Variants in ENPP5 observed in about 807,000 individuals in gnomAD.
The protein encoded by ENPP5 is ectonucleotide pyrophosphatase/phosphodiesterase family member 5, also known as E-NPP 5.
A neutral mutation model predicts 33.7 loss-of-function variants in ENPP5; 27 were observed. The ratio of observed to expected loss-of-function variants is 0.80; its 90% CI spans 0.59 to 1.11. The LOEUF (loss-of-function observed/expected upper bound fraction) is 1.11. Ranked by LOEUF, ENPP5 falls within the 50% of genes least tolerant of loss-of-function variation. ENPP5 has a pLI of 0.00. For missense variants in ENPP5, 552 were observed against 579.2 expected, an observed-to-expected ratio of 0.95 and a Z score of 0.48; for synonymous variants, 199 against 200.5, an observed-to-expected ratio of 0.99 and a Z score of 0.06.
chr6:46,161,147 G>A lies in ENPP5; in HGVS notation c.*179C>T, dbSNP rs554825669. 9 of 580,470 alleles carry A rather than the reference G, an allele frequency of 1.6e-5. No individual in the cohort carries two copies. The highest frequency in any genetic ancestry group is 1.1e-4 in the East Asian group (4 of 35,166). 36.0% of individuals were successfully genotyped at this position (580,470 alleles called of 1,614,324 possible). A position where few individuals can be genotyped will look rare whatever the true frequency, so the allele number is the denominator to read the frequency against. ...CTCACATCTTTATTCCTTTGCAGGT[G>A]TAAGTATTTTGGTCCGTGTGTGTGT... is the stretch of plus-strand genomic sequence containing the variant. On this transcript the variant is annotated 3_prime_UTR_variant, in exon 5 of 5. Coordinates refer to ENST00000371383, the MANE Select transcript of ENPP5 (RefSeq NM_001290072.2).
chr6:46,168,414 G>A, intron 2 of ENPP5, 117 bp from the exon 3 acceptor site: 3 of 496,078 alleles, frequency 6.0e-6, no homozygotes, highest in Non-Finnish European at 1.1e-5. Flanking sequence ...CAGCCTGGAA[G>A]AATTATGTCA....
chr6:46,164,428 A>C (rs1459279779), intron 4 of ENPP5, among the ~76,000 whole-genome samples: 1 of 152,208 alleles, frequency 6.6e-6, no homozygotes, highest in African/African-American at 2.4e-5. Context: ...GGGCTTAACT[A>C]TTCTGGCTTA....
At chr6:46,162,597 C>T (rs933494734) in intron 4 of ENPP5, among the ~76,000 whole-genome samples, 1 of 152,154 alleles carries the variant, frequency 6.6e-6, no homozygotes. Flanking sequence ...ATCTCTAATA[C>T]TTATACTTGC....
At chr6:46,162,087 T>C (rs562343547) in intron 4 of ENPP5, among the ~76,000 whole-genome samples, 128 of 152,216 alleles carry the variant, frequency 8.4e-4, no homozygotes, top group Non-Finnish European at 1.6e-3. Context: ...GGCAAAGTAA[T>C]ATTCAGCAAA....
chr6:46,169,147 A>G lies in ENPP5; in HGVS notation c.-35-850T>C, dbSNP rs112480882. 6.2e-3 allele frequency among the ~76,000 whole-genome samples: 940 copies of G among 152,302 alleles called. 3 individuals are homozygous for G. The highest frequency in any genetic ancestry group is 0.014 in the Middle Eastern group (4 of 294). On this transcript the variant is annotated intron_variant, in intron 2 of 4. Coordinates refer to ENST00000371383, the MANE Select transcript of ENPP5 (RefSeq NM_001290072.2). ...GCTGGTCTTTTCCCCTAATCTGTGT[A>G]TATTTCTAAAATACTTTCATTCTAT...
chr6:46,165,192 A>G, intron 4 of ENPP5, 195 bp downstream of exon 4: 1 of 477,804 alleles, frequency 2.1e-6, no homozygotes, highest in South Asian at 4.1e-5. Flanking sequence ...GACATTTTGT[A>G]TATATCTTTT....
intron 4 of ENPP5, among the ~76,000 whole-genome samples, chr6:46,164,788 G>T (rs1371798087): frequency 6.7e-6 from 1 of 150,324 alleles, no homozygotes; most frequent in African/African-American, 2.5e-5. Context: ...GCCCAGGCTG[G>T]AGTGCAGTGG....
rs375232379 is a variant in ENPP5, at chr6:46,165,589, C to T, written c.830-26G>A. ...CTAAAGAGAAGGGAGGAGAGGCACT[C>T]AGAACAAAATACTCATAGCTACCAT... On this transcript the variant is annotated intron_variant, in intron 3 of 4. Coordinates refer to ENST00000371383, the MANE Select transcript of ENPP5 (RefSeq NM_001290072.2). 3.2e-5 allele frequency: 48 copies of T among 1,502,502 alleles called. No homozygotes were observed. The African/African-American group carries it at 6.5e-4, about 20-fold the overall frequency. The allele number at this position is 1,502,502 out of a possible 1,614,324, so 93.1% of individuals were successfully genotyped here.
chr6:46,165,272 T>C lies in ENPP5; in HGVS notation c.1006+115A>G. 3 of 802,042 alleles carry C rather than the reference T, an allele frequency of 3.7e-6. No homozygotes were observed. The South Asian group carries it at 8.4e-5, about 22-fold the overall frequency. The allele number at this position is 802,042 out of a possible 1,614,324, so 49.7% of individuals were successfully genotyped here. A position where few individuals can be genotyped will look rare whatever the true frequency, so the allele number is the denominator to read the frequency against. On this transcript the variant is annotated intron_variant, in intron 4 of 4. Coordinates refer to ENST00000371383, the MANE Select transcript of ENPP5 (RefSeq NM_001290072.2). ...ACGAAAACATTGTAGTTCCTTAATATTCAAGTAACAGACAGTAAAAATATC... is the reference window on the plus strand; with the variant it reads ...ACGAAAACATTGTAGTTCCTTAATACTCAAGTAACAGACAGTAAAAATATC...
At position 46,167,428 on chromosome 6, in the gene ENPP5, C is replaced by T. The variant is rs756281878; in HGVS notation, c.829+6G>A. 3.8e-6 allele frequency: 6 copies of T among 1,584,752 alleles called. No individual in the cohort carries two copies. The highest frequency in any genetic ancestry group is 3.5e-6 in the Non-Finnish European group (4 of 1,155,226). ...CTCAGCTCACCATTCATTCAGTCAG[C>T]CTTACCTTCTTTTGGCAAGATGGCT... On this transcript the variant is annotated splice_donor_region_variant and intron_variant, in intron 3 of 4. Transcript: ENST00000371383.
At chr6:46,167,282 C>G (rs1764575235) in intron 3 of ENPP5, 152 bp downstream of exon 3, 1 of 588,700 alleles carries the variant, frequency 1.7e-6, no homozygotes, top group African/African-American at 1.8e-5. Context: ...GAGATTTTGT[C>G]TTTTCAGAGT....
At chr6:46,164,799 C>G (rs911844811) in intron 4 of ENPP5, among the ~76,000 whole-genome samples, 1 of 148,288 alleles carries the variant, frequency 6.7e-6, no homozygotes. Context: ...AGTGCAGTGG[C>G]ACGATCTCGG....
chr6:46,166,806 T>C (rs1026987847), intron 3 of ENPP5, among the ~76,000 whole-genome samples: 1 of 152,208 alleles, frequency 6.6e-6, no homozygotes. Context: ...GTCTGAGTCA[T>C]GTTGTCACTT....
chr6:46,169,842 TC>T (rs1403553015), intron 2 of ENPP5, among the ~76,000 whole-genome samples: 2 of 152,206 alleles, frequency 1.3e-5, no homozygotes, highest in African/African-American at 4.8e-5. Flanking sequence ...GGCAATAAAT[TC>T]TGTTTTGCTG....
At chr6:46,163,254 T>A (rs1764441086) in intron 4 of ENPP5, among the ~76,000 whole-genome samples, 1 of 151,900 alleles carries the variant, frequency 6.6e-6, no homozygotes, top group Non-Finnish European at 1.5e-5. Flanking sequence ...TTAGGGTACA[T>A]GTGCACATTA....
At chr6:46,164,755 T>C (rs1489139237) in intron 4 of ENPP5, among the ~76,000 whole-genome samples, 1 of 151,276 alleles carries the variant, frequency 6.6e-6, no homozygotes, top group African/African-American at 2.4e-5. Context: ...TTTTTTTTTT[T>C]TGAGACAGAG....
intron 4 of ENPP5, among the ~76,000 whole-genome samples, chr6:46,162,395 T>TG (rs966076034): frequency 2.0e-5 from 3 of 152,082 alleles, no homozygotes; most frequent in East Asian, 3.9e-4. Context: ...GGTAAAAACT[T>TG]GGGGGTCTTC....
At position 46,168,129 on chromosome 6, in the gene ENPP5, TTATA is replaced by T. The variant is rs754899541; in HGVS notation, c.130_133del (p.Tyr44LysfsTer11). The T allele has an allele frequency of 1.9e-6, 3 of 1,613,706 alleles. No homozygotes were observed. Among genetic ancestry groups the T allele is most frequent in the South Asian group, 1.1e-5 (1 of 91,060 alleles). ...ATAATGAAAATGGGGCGTTGGAACTTTATATAAGTAATCCCAACGGAATCCATCA... is the reference window on the plus strand; with the variant it reads ...ATAATGAAAATGGGGCGTTGGAACTTTAAGTAATCCCAACGGAATCCATCA... On this transcript the variant is annotated frameshift_variant, in exon 3 of 5. Coordinates refer to ENST00000371383, the MANE Select transcript of ENPP5 (RefSeq NM_001290072.2). LOFTEE classifies it high-confidence loss of function.
In ENPP5 at chr6:46,161,310, C is replaced by T. The variant is rs778572614; in HGVS notation, c.*16G>A. ...GGAATCTCCACTTCAATATGCAAAT[C>T]CACTTCAAAGTAACATTAGGCTTGT... On this transcript the variant is annotated 3_prime_UTR_variant, in exon 5 of 5. Coordinates refer to ENST00000371383, the MANE Select transcript of ENPP5 (RefSeq NM_001290072.2). 2.5e-6 allele frequency: 4 copies of T among 1,590,904 alleles called. No homozygotes were observed. The highest frequency in any genetic ancestry group is 3.4e-6 in the Non-Finnish European group (4 of 1,166,466).
Sources: gnomAD v4.1 joint callset for allele counts (sites outside exome capture counted in the v4.1 genomes callset) on GRCh38, gnomAD v4.1.1 for gene constraint, MANE v1.5 for transcripts, NCBI Gene and HGNC (gene_info 2026-07-23, HGNC 2026-07-21) for gene names.